Variants in ACER1 observed in about 807,000 individuals in gnomAD.
ACER1 encodes the protein CTB-180A7.3.
ACER1 carries 28 observed loss-of-function variants against 24.9 expected under a neutral mutation model. That is an observed-to-expected ratio of 1.13 (90% CI 0.83 to 1.54). ACER1 has a LOEUF of 1.54. Ranked by LOEUF, ACER1 falls within the 40% of genes most tolerant of loss-of-function variation. ACER1 has a pLI of 0.00. For synonymous variants in ACER1, 132 were observed against 131.4 expected, an observed-to-expected ratio of 1.00 and a Z score of -0.03; for missense variants, 352 against 349.3, an observed-to-expected ratio of 1.01 and a Z score of -0.06.
At position 6,333,346 on chromosome 19, in the gene ACER1, A is replaced by T. The variant is rs944356278; in HGVS notation, c.93+113T>A. 1.5e-5 allele frequency: 12 copies of T among 800,298 alleles called. No individual in the cohort carries two copies. The African/African-American group carries it at 1.9e-4, about 13-fold the overall frequency. The allele number at this position is 800,298 out of a possible 1,614,324, so 49.6% of individuals were successfully genotyped here. A position where few individuals can be genotyped will look rare whatever the true frequency, so the allele number is the denominator to read the frequency against. Reference sequence around the variant, plus strand: ...TCTTTGGCTAACAGATGAGAAAACTAGGGCTGAGACAGGTGAACCACTCCA... The same window carrying T: ...TCTTTGGCTAACAGATGAGAAAACTTGGGCTGAGACAGGTGAACCACTCCA... On this transcript the variant is annotated intron_variant, in intron 1 of 5. Transcript: ENST00000301452.
chr19:6,335,697 G>C (rs1163980446), upstream of ACER1, among the ~76,000 whole-genome samples: 1 of 151,706 alleles, frequency 6.6e-6, no homozygotes, highest in Admixed American at 6.6e-5. Context: ...TGGGCGTGAT[G>C]GTGGGTGCCC....
chr19:6,338,991 C>T, the ACER1 span, among the ~76,000 whole-genome samples: 1 of 151,872 alleles, frequency 6.6e-6, no homozygotes, highest in Non-Finnish European at 1.5e-5. Context: ...GATTCTCCTG[C>T]TTCAGCCTCC....
intron 3 of ACER1, 133 bp downstream of exon 3, chr19:6,312,016 A>G (rs1359284028): frequency 8.1e-7 from 1 of 1,240,152 alleles, no homozygotes; most frequent in South Asian, 1.6e-5. Flanking sequence ...GAAAACCCGA[A>G]GTGGTCAGGG....
At chr19:6,339,113 G>A in the ACER1 span, among the ~76,000 whole-genome samples, 3 of 151,684 alleles carry the variant, frequency 2.0e-5, no homozygotes, top group African/African-American at 4.8e-5. Context: ...CTGACCTCAG[G>A]TGATCCGCCT....
chr19:6,334,195 C>T (rs2091703782), upstream of ACER1, among the ~76,000 whole-genome samples: 1 of 152,068 alleles, frequency 6.6e-6, no homozygotes, highest in Non-Finnish European at 1.5e-5. Context: ...CAGGCGCCCA[C>T]CGCCACGACC....
At chr19:6,335,749 T>C (rs2091711720), upstream of ACER1, among the ~76,000 whole-genome samples, 1 of 151,510 alleles carries the variant, frequency 6.6e-6, no homozygotes, top group Non-Finnish European at 1.5e-5. Context: ...GAGAATGGCA[T>C]GAACCCAGGA....
chr19:6,328,879 T>C, intron 1 of ACER1, among the ~76,000 whole-genome samples: 1 of 151,940 alleles, frequency 6.6e-6, no homozygotes, highest in East Asian at 1.9e-4. Context: ...TTCATCGTGT[T>C]TTCCAGGCTG....
intron 3 of ACER1, among the ~76,000 whole-genome samples, chr19:6,311,646 A>G (rs1046708744): frequency 1.1e-4 from 16 of 148,350 alleles, no homozygotes; most frequent in Admixed American, 3.3e-4. Flanking sequence ...GAAGAAGAAG[A>G]AGGAGAAGGA....
chr19:6,356,042 G>A, the ACER1 span, among the ~76,000 whole-genome samples: 30 of 151,376 alleles, frequency 2.0e-4, no homozygotes, highest in Non-Finnish European at 2.6e-4. Flanking sequence ...GGGGAAAGGC[G>A]GGGAAAGGAT....
the ACER1 span, among the ~76,000 whole-genome samples, chr19:6,355,129 A>G: frequency 2.6e-5 from 4 of 152,038 alleles, no homozygotes; most frequent in Non-Finnish European, 4.4e-5. Context: ...TCAGTGCTCA[A>G]TGGTGCCCAG....
At chr19:6,358,455 G>A in the ACER1 span, among the ~76,000 whole-genome samples, 1 of 152,032 alleles carries the variant, frequency 6.6e-6, no homozygotes, top group African/African-American at 2.4e-5. Flanking sequence ...GTTACAGAGG[G>A]CACAAAATTA....
At chr19:6,356,232 GC>G in the ACER1 span, among the ~76,000 whole-genome samples, 1 of 149,276 alleles carries the variant, frequency 6.7e-6, no homozygotes, top group Non-Finnish European at 1.5e-5. Flanking sequence ...TGGATTAAGG[GC>G]GGTGCAAGAT....
the ACER1 span, among the ~76,000 whole-genome samples, chr19:6,340,367 GGAA>G: frequency 7.7e-6 from 1 of 129,536 alleles, no homozygotes; most frequent in African/African-American, 2.8e-5. Flanking sequence ...AAGGAAGGAA[GGAA>G]GGAAGAAAAA....
At chr19:6,312,770 G>A (rs188396836) in intron 1 of ACER1, among the ~76,000 whole-genome samples, 1 of 151,530 alleles carries the variant, frequency 6.6e-6, no homozygotes, top group African/African-American at 2.4e-5. Context: ...CCACCTCCCA[G>A]GTTCGAGCGA....
At chr19:6,315,441 G>A (rs541087750) in intron 1 of ACER1, among the ~76,000 whole-genome samples, 33 of 151,868 alleles carry the variant, frequency 2.2e-4, no homozygotes, top group African/African-American at 7.5e-4. Flanking sequence ...GTACAGTGGC[G>A]CGATCTCGGC....
At chr19:6,347,704 C>T in the ACER1 span, among the ~76,000 whole-genome samples, 1 of 151,922 alleles carries the variant, frequency 6.6e-6, no homozygotes, top group African/African-American at 2.4e-5. Flanking sequence ...GGCGTGGTGG[C>T]AGGTGCCTGT....
At chr19:6,334,391 C>T (rs1026799703), upstream of ACER1, among the ~76,000 whole-genome samples, 20 of 151,848 alleles carry the variant, frequency 1.3e-4, no homozygotes, top group African/African-American at 4.4e-4. Flanking sequence ...GTCACCCAGG[C>T]TGGAGTGTAG....
At position 6,307,133 on chromosome 19, in the gene ACER1, G is replaced by A. The variant is rs775254145; in HGVS notation, c.626+20C>T. On this transcript the variant is annotated intron_variant, in intron 5 of 5. Coordinates refer to ENST00000301452, the MANE Select transcript of ACER1 (RefSeq NM_133492.3). ...ATTCTCTGACTCTGGGCCCCCCACA[G>A]CCTCAGAGCATGTGCTTACCAGATG... The A allele has an allele frequency of 6.2e-7, 1 of 1,613,450 alleles. No homozygotes were observed. Among genetic ancestry groups the A allele is most frequent in the Admixed American group, 1.7e-5 (1 of 59,968 alleles).
chr19:6,352,426 C>T, the ACER1 span, among the ~76,000 whole-genome samples: 2 of 152,198 alleles, frequency 1.3e-5, no homozygotes, highest in Non-Finnish European at 2.9e-5. Flanking sequence ...AGAGAGATGA[C>T]TCACTGGGGC....
Sources: allele counts gnomAD v4.1 joint callset (sites outside exome capture counted in the v4.1 genomes callset), GRCh38; gene constraint gnomAD v4.1.1; transcripts MANE v1.5; gene names NCBI Gene and HGNC (gene_info 2026-07-23, HGNC 2026-07-21).